Variants in TCERG1L observed in about 807,000 individuals in gnomAD.
The protein encoded by TCERG1L is transcription elongation regulator 1 like.
In TCERG1L, 37 loss-of-function variants were observed where a neutral mutation model predicts 56.3. That is an observed-to-expected ratio of 0.66 (90% CI 0.51 to 0.87). The LOEUF is 0.87. Among genes scored for constraint, TCERG1L ranks in the 40% least tolerant of loss-of-function variants. The pLI, the probability that TCERG1L is intolerant of heterozygous loss-of-function variation, is 0.00. For missense variants in TCERG1L, 799 were observed against 774.2 expected (o/e 1.03, Z -0.38); for synonymous variants, 324 against 326.3 (o/e 0.99, Z 0.08).
chr10:131,293,959 C>T (rs1017411786), intron 3 of TCERG1L, among the ~76,000 whole-genome samples: 9 of 152,150 alleles, frequency 5.9e-5, no homozygotes, highest in African/African-American at 9.7e-5. Flanking sequence ...CTGGTTCAGA[C>T]GCGTGGTGGC....
chr10:131,245,555 A>G (rs1846023780), intron 4 of TCERG1L, among the ~76,000 whole-genome samples: 1 of 152,152 alleles, frequency 6.6e-6, no homozygotes, highest in Non-Finnish European at 1.5e-5. Flanking sequence ...GGGCAGCGAC[A>G]GGAAATATGA....
chr10:131,257,198 G>A (rs1846182488), intron 4 of TCERG1L, among the ~76,000 whole-genome samples: 1 of 152,162 alleles, frequency 6.6e-6, no homozygotes, highest in Admixed American at 6.5e-5. Context: ...GGGATGGAAA[G>A]ATGCAACCTC....
chr10:131,207,608 C>G (rs1414423532), intron 4 of TCERG1L, among the ~76,000 whole-genome samples: 2 of 152,198 alleles, frequency 1.3e-5, no homozygotes, highest in Non-Finnish European at 2.9e-5. Context: ...GGGGGAAAAC[C>G]TGAATATGGA....
intron 11 of TCERG1L, 97 bp downstream of exon 11, chr10:131,098,209 G>A (rs1197670554): frequency 7.7e-7 from 1 of 1,294,624 alleles, no homozygotes; most frequent in Non-Finnish European, 1.1e-6. Flanking sequence ...GTGGAAGGCT[G>A]GGTTACACGA....
chr10:131,295,235 C>T (rs903631833), intron 3 of TCERG1L, among the ~76,000 whole-genome samples: 1 of 152,188 alleles, frequency 6.6e-6, no homozygotes, highest in African/African-American at 2.4e-5. Context: ...CAGCCAACAT[C>T]GCTTAGGAAT....
At chr10:131,148,900 C>T (rs960787354) in intron 6 of TCERG1L, among the ~76,000 whole-genome samples, 1 of 152,232 alleles carries the variant, frequency 6.6e-6, no homozygotes, top group South Asian at 2.1e-4. Flanking sequence ...GCTTCCCCCT[C>T]GGGGCGACTC....
At chr10:131,239,440 C>A (rs184907105) in intron 4 of TCERG1L, among the ~76,000 whole-genome samples, 14 of 152,322 alleles carry the variant, frequency 9.2e-5, no homozygotes, top group Admixed American at 9.1e-4. Context: ...TTGCTATCTG[C>A]TTATTTATTT....
chr10:131,165,922 G>A (rs1174863134), intron 5 of TCERG1L, among the ~76,000 whole-genome samples: 2 of 152,228 alleles, frequency 1.3e-5, no homozygotes, highest in African/African-American at 4.8e-5. Context: ...GAAGAAAGGA[G>A]TTATTTAAGG....
intron 4 of TCERG1L, among the ~76,000 whole-genome samples, chr10:131,221,848 C>G (rs1051142420): frequency 3.3e-5 from 5 of 152,228 alleles, no homozygotes; most frequent in African/African-American, 1.2e-4. Context: ...GCTGCCTCCA[C>G]GTTGGGAGTA....
intron 3 of TCERG1L, among the ~76,000 whole-genome samples, chr10:131,272,551 C>T (rs1846351182): frequency 6.6e-6 from 1 of 152,154 alleles, no homozygotes; most frequent in Non-Finnish European, 1.5e-5. Flanking sequence ...CCAAGGGCCC[C>T]CACCATTCTT....
intron 9 of TCERG1L, among the ~76,000 whole-genome samples, chr10:131,108,124 C>G (rs539215725): frequency 2.0e-5 from 3 of 152,170 alleles, no homozygotes; most frequent in African/African-American, 7.2e-5. Flanking sequence ...TCTAAGTGGC[C>G]GTGGACAAAA....
intron 4 of TCERG1L, among the ~76,000 whole-genome samples, chr10:131,207,239 C>T (rs1387520102): frequency 1.3e-5 from 2 of 151,754 alleles, no homozygotes; most frequent in Non-Finnish European, 2.9e-5. Flanking sequence ...TCCATATCTC[C>T]AAAGGGAGGT....
chr10:131,170,454 G>A lies in TCERG1L; in HGVS notation c.857-3569C>T, dbSNP rs765759636. On this transcript the variant is annotated intron_variant, in intron 4 of 11. Transcript: ENST00000368642. Reference sequence around the variant, plus strand: ...TATTTCCGCCCTCCGAGAGAGGCACGGCGGTAATACCTTTCTGGGCAATGC... The same window carrying A: ...TATTTCCGCCCTCCGAGAGAGGCACAGCGGTAATACCTTTCTGGGCAATGC... Among the ~76,000 whole-genome samples the A allele has an allele frequency of 8.6e-5, 13 of 151,828 alleles. No homozygotes were observed. In the East Asian group the frequency reaches 9.7e-4, roughly 11 times the overall value.
At chr10:131,215,693 G>A (rs1386345113) in intron 4 of TCERG1L, among the ~76,000 whole-genome samples, 6 of 152,164 alleles carry the variant, frequency 3.9e-5, no homozygotes, top group African/African-American at 1.4e-4. Context: ...GAAGAGGAGG[G>A]GAAGTCAGCC....
intron 4 of TCERG1L, among the ~76,000 whole-genome samples, chr10:131,242,026 A>G (rs1845979546): frequency 6.6e-6 from 1 of 152,252 alleles, no homozygotes; most frequent in Non-Finnish European, 1.5e-5. Flanking sequence ...AACATTGTAC[A>G]ACTTGGCAAC....
intron 8 of TCERG1L, among the ~76,000 whole-genome samples, chr10:131,130,856 C>T (rs889695300): frequency 2.6e-5 from 4 of 151,978 alleles, no homozygotes; most frequent in Admixed American, 6.6e-5. Flanking sequence ...AGTTCAGTGG[C>T]GGAGTCACTG....
intron 8 of TCERG1L, among the ~76,000 whole-genome samples, chr10:131,126,561 C>G: frequency 6.6e-6 from 1 of 151,722 alleles, no homozygotes; most frequent in African/African-American, 2.4e-5. Flanking sequence ...TAGGCGGCAG[C>G]TCTGGCCTGA....
intron 4 of TCERG1L, among the ~76,000 whole-genome samples, chr10:131,248,438 A>G (rs941357512): frequency 6.6e-6 from 1 of 152,050 alleles, no homozygotes; most frequent in Non-Finnish European, 1.5e-5. Context: ...AAAGCACACC[A>G]GGCTGATCTC....
At chr10:131,170,411 T>C (rs1012549198) in intron 4 of TCERG1L, among the ~76,000 whole-genome samples, 3 of 152,046 alleles carry the variant, frequency 2.0e-5, no homozygotes, top group African/African-American at 7.2e-5. Flanking sequence ...GCTAAAGTAC[T>C]TCGGGGAGCA....
Sources: gnomAD v4.1 joint callset for allele counts (sites outside exome capture counted in the v4.1 genomes callset) on GRCh38, gnomAD v4.1.1 for gene constraint, MANE v1.5 for transcripts, NCBI Gene and HGNC (gene_info 2026-07-23, HGNC 2026-07-21) for gene names.